The following ZNF721 variants were observed in gnomAD, a reference collection of about 807,000 sequenced individuals.
The protein encoded by ZNF721 is zinc finger protein 721.
A neutral mutation model predicts 2.4 loss-of-function variants in ZNF721; 2 were observed. That is an observed-to-expected ratio of 0.82 (90% CI 0.34 to 2.58). The LOEUF (loss-of-function observed/expected upper bound fraction) is 2.58. Ranked by LOEUF, ZNF721 falls within the 30% of genes most tolerant of loss-of-function variation. The pLI, the probability that ZNF721 is intolerant of heterozygous loss-of-function variation, is 0.11. For missense variants in ZNF721, 1,187 were observed against 1,085.5 expected, an observed-to-expected ratio of 1.09 and a Z score of -1.31; for synonymous variants, 398 against 381.8, an observed-to-expected ratio of 1.04 and a Z score of -0.50.
intron 1 of ZNF721, among the ~76,000 whole-genome samples, chr4:484,604 G>A (rs560554105): frequency 1.4e-4 from 21 of 152,294 alleles, no homozygotes; most frequent in African/African-American, 4.6e-4. Context: ...TCTTATGGTC[G>A]AGGCTGCAGA....
chr4:458,472 G>A (rs1449931715), intron 2 of ZNF721, among the ~76,000 whole-genome samples: 1 of 152,102 alleles, frequency 6.6e-6, no homozygotes, highest in Non-Finnish European at 1.5e-5. Flanking sequence ...ATCAAAACAA[G>A]GCTTCATGAC....
chr4:484,806 G>A (rs576083911), intron 1 of ZNF721, among the ~76,000 whole-genome samples: 6 of 152,282 alleles, frequency 3.9e-5, no homozygotes, highest in African/African-American at 9.6e-5. Context: ...CTGTGATCTC[G>A]CCCTGCCTCC....
chr4:474,189 C>T (rs1367026561), intron 1 of ZNF721: 2 of 452,318 alleles, frequency 4.4e-6, no homozygotes, highest in Non-Finnish European at 8.0e-6. Flanking sequence ...TCCTCTCAGA[C>T]TGCGCGCCTG....
Position 443,938 on chromosome 4 carries a change from A to C in ZNF721, c.529T>G (p.Ser177Ala). The C allele has an allele frequency of 1.2e-6, 2 of 1,613,920 alleles. No individual in the cohort carries two copies. The highest frequency in any genetic ancestry group is 2.2e-5 in the East Asian group (1 of 44,838). ...CEECGKAFNRSTNLTAHKRIH... is the reference protein window; with the variant it reads ...CEECGKAFNRATNLTAHKRIH... ...CTCTTATGTGCAGTAAGGTTTGTTG[A>C]CCTATTAAAGGCTTTGCCACATTCT... is the stretch of plus-strand genomic sequence containing the variant. Residue 177 changes from serine (S) to alanine (A), a missense_variant, in exon 3 of 3, where the codon TCA becomes GCA. Coordinates refer to ENST00000511833, the MANE Select transcript of ZNF721 (RefSeq NM_133474.4).
At chr4:469,107 T>G (rs1174484647) in intron 2 of ZNF721, among the ~76,000 whole-genome samples, 1 of 152,188 alleles carries the variant, frequency 6.6e-6, no homozygotes, top group Non-Finnish European at 1.5e-5. Context: ...GGTTGTTTTT[T>G]TGTGTGTTTT....
At chr4:489,699 A>C (rs1239183722) in intron 1 of ZNF721, among the ~76,000 whole-genome samples, 2 of 152,222 alleles carry the variant, frequency 1.3e-5, no homozygotes, top group Non-Finnish European at 2.9e-5. Flanking sequence ...TGTGGCAGCC[A>C]CCTGACATGT....
At chr4:468,479 C>T (rs892997055) in intron 2 of ZNF721, among the ~76,000 whole-genome samples, 2 of 151,888 alleles carry the variant, frequency 1.3e-5, no homozygotes, top group African/African-American at 4.8e-5. Context: ...AAAAGCTAAA[C>T]CCATTTATAC....
chr4:455,934 T>C (rs61793720), intron 2 of ZNF721, among the ~76,000 whole-genome samples: 61,654 of 151,808 alleles, frequency 0.41, 12,963 homozygotes, highest in African/African-American at 0.52. Flanking sequence ...AAATCACCTT[T>C]GAATAACAAG....
intron 2 of ZNF721, among the ~76,000 whole-genome samples, chr4:460,566 A>G (rs963057754): frequency 6.6e-6 from 1 of 151,950 alleles, no homozygotes; most frequent in Non-Finnish European, 1.5e-5. Flanking sequence ...AGCTAGCAGA[A>G]GACAAGAAAT....
chr4:472,686 T>C lies in ZNF721; in HGVS notation c.-78A>G. 1 of 1,612,580 alleles carries C rather than the reference T, an allele frequency of 6.2e-7. No homozygotes were observed. Among genetic ancestry groups the C allele is most frequent in the Non-Finnish European group, 8.5e-7 (1 of 1,179,718 alleles). Reference sequence around the variant, plus strand: ...GGAGAGAATTCTATGGCCACATCCCTGAATGTTAAGGGTTCCTGAAAATAC... The same window carrying C: ...GGAGAGAATTCTATGGCCACATCCCCGAATGTTAAGGGTTCCTGAAAATAC... On this transcript the variant is annotated 5_prime_UTR_variant, in exon 2 of 3. Coordinates refer to ENST00000511833, the MANE Select transcript of ZNF721 (RefSeq NM_133474.4).
chr4:472,735 T>C, intron 1 of ZNF721, 34 bp from the exon 2 acceptor site: 1 of 1,607,588 alleles, frequency 6.2e-7, no homozygotes, highest in South Asian at 1.1e-5. Flanking sequence ...GACAGAGTTC[T>C]TAATTTGACT....
At chr4:464,630 A>G (rs1398827454) in intron 2 of ZNF721, among the ~76,000 whole-genome samples, 1 of 152,192 alleles carries the variant, frequency 6.6e-6, no homozygotes, top group Non-Finnish European at 1.5e-5. Flanking sequence ...TGAAGGGAGT[A>G]AAACTGTTTA....
chr4:496,707 CTTTTTTTTTTTT>C (rs781947891), intron 1 of ZNF721, among the ~76,000 whole-genome samples: 6 of 83,842 alleles, frequency 7.2e-5, no homozygotes, highest in South Asian at 4.8e-4. Flanking sequence ...TACATGACTT[CTTTTTTTTTTTT>C]TTTTTTTTTT....
In ZNF721 at chr4:443,457, T is replaced by G. The variant is rs782016548; in HGVS notation, c.1010A>C (p.Glu337Ala). 1.5e-5 allele frequency: 24 copies of G among 1,612,030 alleles called. No individual in the cohort carries two copies. Among genetic ancestry groups the G allele is most frequent in the Admixed American group, 5.0e-5 (3 of 59,928 alleles). The change falls in exon 3 of 3, where the codon GAA (glutamate) becomes GCA (alanine). Residue 337 changes from glutamate to alanine, a missense_variant. Physicochemically the swap from Glu to Ala is moderately radical, Grantham distance 107. Coordinates refer to ENST00000511833, the MANE Select transcript of ZNF721 (RefSeq NM_133474.4). ...HTGEKPYTCG[E>A]CGKTFRQSAN... ...GGACTGTCTAAAGGTTTTGCCACAT[T>G]CTCCACATGTGTAGGGTTTCTCTCC...
intron 2 of ZNF721, among the ~76,000 whole-genome samples, chr4:461,247 T>A (rs1427948453): frequency 6.6e-6 from 1 of 152,194 alleles, no homozygotes; most frequent in South Asian, 2.1e-4. Flanking sequence ...TCAAAAAGCT[T>A]ATCCGCCATG....
intron 2 of ZNF721, among the ~76,000 whole-genome samples, chr4:446,929 G>A (rs952932735): frequency 2.6e-5 from 4 of 151,964 alleles, no homozygotes; most frequent in East Asian, 1.9e-4. Flanking sequence ...TACGTAATCC[G>A]CCTGCCTCAG....
chr4:481,861 A>G (rs1553869558), intron 1 of ZNF721, among the ~76,000 whole-genome samples: 1 of 152,248 alleles, frequency 6.6e-6, no homozygotes, highest in East Asian at 1.9e-4. Context: ...GCTGGAACTC[A>G]AAAGAATATT....
At chr4:464,416 C>A (rs1361936081) in intron 2 of ZNF721, among the ~76,000 whole-genome samples, 1 of 147,316 alleles carries the variant, frequency 6.8e-6, no homozygotes, top group Non-Finnish European at 1.5e-5. Flanking sequence ...TTGCAGTGAG[C>A]CGAGATCACA....
intron 1 of ZNF721, among the ~76,000 whole-genome samples, chr4:473,129 G>A (rs527880148): frequency 6.6e-6 from 1 of 152,198 alleles, no homozygotes; most frequent in East Asian, 1.9e-4. Context: ...ACTTCACTAC[G>A]GGAAGACTGG....
Sources: gnomAD v4.1 joint callset for allele counts (sites outside exome capture counted in the v4.1 genomes callset) on GRCh38, gnomAD v4.1.1 for gene constraint, MANE v1.5 for transcripts, NCBI Gene and HGNC (gene_info 2026-07-23, HGNC 2026-07-21) for gene names.